The following GABRA2 variants were observed in gnomAD, a reference collection of about 807,000 sequenced individuals.
GABRA2 encodes the protein gamma-aminobutyric acid receptor subunit alpha-2.
In GABRA2, 16 loss-of-function variants were observed where a neutral mutation model predicts 48.7. The observed-to-expected ratio is 0.33, with a 90% confidence interval of 0.22 to 0.50. The LOEUF (loss-of-function observed/expected upper bound fraction) is 0.50, where lower values mean the gene tolerates loss of function less well. Among genes scored for constraint, GABRA2 ranks in the 20% least tolerant of loss-of-function variants. The pLI is 0.98. For synonymous variants in GABRA2, 185 were observed against 184.5 expected (o/e 1.00, Z -0.02); for missense variants, 275 against 535.6 (o/e 0.51, Z 4.80).
At chr4:46,354,836 T>C (rs1352448318) in intron 3 of GABRA2, among the ~76,000 whole-genome samples, 1 of 152,158 alleles carries the variant, frequency 6.6e-6, no homozygotes, top group Non-Finnish European at 1.5e-5. Flanking sequence ...TGCCAGCGTA[T>C]CCGCTTGCCA....
chr4:46,344,729 C>G (rs1465420371), intron 3 of GABRA2, among the ~76,000 whole-genome samples: 1 of 151,604 alleles, frequency 6.6e-6, no homozygotes, highest in Non-Finnish European at 1.5e-5. Flanking sequence ...GAGAGAACAT[C>G]CTTGATTATA....
At chr4:46,363,007 T>C (rs991497556) in intron 3 of GABRA2, among the ~76,000 whole-genome samples, 2 of 152,148 alleles carry the variant, frequency 1.3e-5, no homozygotes, top group South Asian at 4.1e-4. Flanking sequence ...TAAGTAAAAT[T>C]AAACAGTTTC....
chr4:46,321,757 A>G (rs551924317), intron 4 of GABRA2, among the ~76,000 whole-genome samples: 142 of 152,138 alleles, frequency 9.3e-4, no homozygotes, highest in Non-Finnish European at 1.8e-3. Context: ...ACCAAGGAAG[A>G]TAGTCTGGCA....
chr4:46,366,257 C>T (rs1714018414), intron 3 of GABRA2: 1 of 152,054 alleles, frequency 6.6e-6, no homozygotes, highest in Non-Finnish European at 1.5e-5. Flanking sequence ...TCCTTCATGT[C>T]TAAACCTGTA....
chr4:46,305,596 G>A lies in GABRA2; in HGVS notation c.675C>T (p.Ile225=), dbSNP rs149579519. 421 of 1,613,662 alleles carry A rather than the reference G, an allele frequency of 2.6e-4. 5 individuals are homozygous for A. Among genetic ancestry groups the A allele is most frequent in the South Asian group, 1.4e-3 (130 of 91,036 alleles). Residue 225 remains isoleucine, a synonymous_variant, in exon 7 of 10, where the codon ATC becomes ATT. Coordinates refer to ENST00000381620, the MANE Select transcript of GABRA2 (RefSeq NM_000807.4). ...LNQYDLLGQS[I]GKETIKSSTG... ...TACTGGATTTAATTGTCTCCTTTCC[G>A]ATTGATTGGCCCAGCAGGTCATATT...
chr4:46,368,660 C>A, intron 3 of GABRA2: 1 of 281,422 alleles, frequency 3.6e-6, no homozygotes, highest in Non-Finnish European at 6.6e-6. Flanking sequence ...CAAACTAATA[C>A]TCAAGTGTGA....
intron 4 of GABRA2, among the ~76,000 whole-genome samples, chr4:46,320,239 C>G (rs746834113): frequency 2.0e-5 from 3 of 151,760 alleles, no homozygotes; most frequent in Non-Finnish European, 4.4e-5. Context: ...TAGCCATATG[C>G]ACTAGAATTA....
chr4:46,388,848 C>G (rs11503014), intron 1 of GABRA2, 132 bp from the exon 2 acceptor site: 405,452 of 1,437,656 alleles, frequency 0.28, 57,351 homozygotes, highest in Non-Finnish European at 0.3. Flanking sequence ...TTCCTGGACT[C>G]TGTGTAGGAC....
intron 4 of GABRA2, among the ~76,000 whole-genome samples, chr4:46,315,181 CTGATA>C (rs1218063652): frequency 2.0e-5 from 3 of 147,586 alleles, no homozygotes; most frequent in Non-Finnish European, 4.5e-5. Context: ...GCCATTCTGA[CTGATA>C]TAAGATAGTA....
chr4:46,296,752 C>G (rs1370019482), intron 8 of GABRA2, among the ~76,000 whole-genome samples: 1 of 151,566 alleles, frequency 6.6e-6, no homozygotes, highest in African/African-American at 2.4e-5. Context: ...TCAATACCAA[C>G]TATGACCACT....
intron 8 of GABRA2, among the ~76,000 whole-genome samples, chr4:46,275,566 A>G (rs189817766): frequency 6.6e-6 from 1 of 152,276 alleles, no homozygotes; most frequent in African/African-American, 2.4e-5. Flanking sequence ...TTCCAATTTC[A>G]TGAGTTTAAA....
At chr4:46,380,719 T>C (rs1380411830) in intron 3 of GABRA2, among the ~76,000 whole-genome samples, 1 of 152,186 alleles carries the variant, frequency 6.6e-6, no homozygotes. Context: ...CATTACTTCA[T>C]GAAGCAATAC....
intron 4 of GABRA2, among the ~76,000 whole-genome samples, chr4:46,331,661 G>T (rs1053533009): frequency 1.2e-4 from 19 of 152,156 alleles, no homozygotes; most frequent in Non-Finnish European, 2.5e-4. Context: ...TTCATCTTTG[G>T]TGATTCCAGC....
chr4:46,353,510 T>A (rs1177173414), intron 3 of GABRA2, among the ~76,000 whole-genome samples: 1 of 152,146 alleles, frequency 6.6e-6, no homozygotes, highest in Non-Finnish European at 1.5e-5. Flanking sequence ...AGCAAGGCCA[T>A]AAGTATCTGA....
At chr4:46,323,154 A>C (rs1729742712) in intron 4 of GABRA2, among the ~76,000 whole-genome samples, 1 of 151,978 alleles carries the variant, frequency 6.6e-6, no homozygotes, top group South Asian at 2.1e-4. Flanking sequence ...CATGTTTTAA[A>C]GTATCATTTG....
chr4:46,353,479 G>C (rs1735480518), intron 3 of GABRA2, among the ~76,000 whole-genome samples: 1 of 152,110 alleles, frequency 6.6e-6, no homozygotes, highest in South Asian at 2.1e-4. Flanking sequence ...AGAAGTAAAA[G>C]CCAAAGCTCT....
At chr4:46,303,750 A>C (rs1411826104) in intron 7 of GABRA2, 138 bp from the exon 8 acceptor site, 1 of 726,084 alleles carries the variant, frequency 1.4e-6, no homozygotes, top group Non-Finnish European at 2.2e-6. Flanking sequence ...AATTTATATC[A>C]CTTTTAAAAG....
At chr4:46,262,316 A>G (rs1717143491) in intron 8 of GABRA2, among the ~76,000 whole-genome samples, 188 bp from the exon 9 acceptor site, 1 of 152,008 alleles carries the variant, frequency 6.6e-6, no homozygotes, top group Non-Finnish European at 1.5e-5. Flanking sequence ...AATGGTTATG[A>G]TATTTCGTGA....
At chr4:46,375,942 G>A (rs893168872) in intron 3 of GABRA2, among the ~76,000 whole-genome samples, 5 of 152,154 alleles carry the variant, frequency 3.3e-5, no homozygotes, top group Non-Finnish European at 7.4e-5. Context: ...CAGTTAAATG[G>A]TACAAGTAAA....
Sources: allele counts gnomAD v4.1 joint callset (sites outside exome capture counted in the v4.1 genomes callset), GRCh38; gene constraint gnomAD v4.1.1; transcripts MANE v1.5; gene names NCBI Gene and HGNC (gene_info 2026-07-23, HGNC 2026-07-21).